The following SLIT3 variants were observed in gnomAD, a reference collection of about 807,000 sequenced individuals.
SLIT3 encodes the protein slit guidance ligand 3, also known as slit homolog 3 protein.
SLIT3 carries 68 observed loss-of-function variants against 184.0 expected under a neutral mutation model. The ratio of observed to expected loss-of-function variants is 0.37; its 90% CI spans 0.30 to 0.45. The LOEUF (loss-of-function observed/expected upper bound fraction) is 0.45. SLIT3 is among the 20% of genes least tolerant of loss of function. The pLI is 1.00. For synonymous variants in SLIT3, 831 were observed against 828.6 expected, an observed-to-expected ratio of 1.00 and a Z score of -0.05; for missense variants, 1,707 against 2,026.0, an observed-to-expected ratio of 0.84 and a Z score of 3.02.
chr5:168,755,421 C>CTTTCTTTCTTTCTTTTCTTTCTTTCT (rs1754890540), intron 16 of SLIT3, among the ~76,000 whole-genome samples: 1 of 29,480 alleles, frequency 3.4e-5, no homozygotes, highest in Non-Finnish European at 5.9e-5. Flanking sequence ...TTCTTTCTTT[C>CTTTCTTTCTTTCTTTTCTTTCTTTCT]TTTCTTTCTT....
In SLIT3 at chr5:168,818,015, G is replaced by C. The variant is rs556275610; in HGVS notation, c.630-552C>G. Among the ~76,000 whole-genome samples the C allele has an allele frequency of 6.8e-4, 94 of 138,900 alleles. 1 individual carries two copies. The highest frequency in any genetic ancestry group is 3.1e-3 in the African/African-American group (94 of 29,894). The allele number at this position is 138,900 out of a possible 152,430, so 91.1% of individuals were successfully genotyped here. ...GTGGGCTTAAAACCAATACCACTTT[G>C]TGTGCACTAGCTGGAGTGAGCAGGC... On this transcript the variant is annotated intron_variant, in intron 7 of 35. Transcript: ENST00000519560.
At chr5:169,269,050 A>G (rs1766504625) in intron 1 of SLIT3, among the ~76,000 whole-genome samples, 1 of 152,216 alleles carries the variant, frequency 6.6e-6, no homozygotes, top group African/African-American at 2.4e-5. Context: ...CCACGGAGTA[A>G]TGATTCTGGA....
intron 5 of SLIT3, among the ~76,000 whole-genome samples, chr5:168,867,236 A>G (rs911133818): frequency 6.6e-6 from 1 of 152,204 alleles, no homozygotes; most frequent in Non-Finnish European, 1.5e-5. Flanking sequence ...TTACTTTACC[A>G]TTATGACTTT....
chr5:168,684,496 A>C (rs6864844), intron 31 of SLIT3, among the ~76,000 whole-genome samples: 12,293 of 152,048 alleles, frequency 0.081, 1,011 homozygotes, highest in Admixed American at 0.21. Flanking sequence ...ATTTATTTTT[A>C]GGCAGAATCT....
chr5:168,697,723 T>C (rs1762103070), intron 27 of SLIT3, among the ~76,000 whole-genome samples: 1 of 152,206 alleles, frequency 6.6e-6, no homozygotes, highest in Admixed American at 6.5e-5. Context: ...CAGGGGCCTC[T>C]CAGGTCTCAG....
chr5:169,067,244 T>C (rs34645725), intron 4 of SLIT3, among the ~76,000 whole-genome samples: 6,145 of 152,114 alleles, frequency 0.04, 169 homozygotes, highest in Middle Eastern at 0.082. Flanking sequence ...ACCCTGTCTC[T>C]ACTAAAAATA....
chr5:169,135,582 T>C (rs1263139002), intron 4 of SLIT3, among the ~76,000 whole-genome samples: 2 of 152,218 alleles, frequency 1.3e-5, no homozygotes, highest in Non-Finnish European at 2.9e-5. Context: ...TCAGTGGTAG[T>C]GAGGACAAGT....
At chr5:169,069,340 G>A (rs1340013378) in intron 4 of SLIT3, among the ~76,000 whole-genome samples, 7 of 152,204 alleles carry the variant, frequency 4.6e-5, no homozygotes, top group South Asian at 2.1e-4. Context: ...GGTGAAATAT[G>A]AGGAAGAGGA....
chr5:169,016,777 G>T (rs542665859), intron 4 of SLIT3, among the ~76,000 whole-genome samples: 3 of 152,272 alleles, frequency 2.0e-5, no homozygotes, highest in Non-Finnish European at 4.4e-5. Context: ...GACCTCAAAG[G>T]CTTGGTGTGA....
intron 4 of SLIT3, among the ~76,000 whole-genome samples, chr5:169,081,606 G>A (rs183330498): frequency 2.2e-4 from 33 of 152,246 alleles, no homozygotes; most frequent in African/African-American, 7.9e-4. Context: ...AGGCTGCAGG[G>A]CTTGCTCTGA....
intron 4 of SLIT3, among the ~76,000 whole-genome samples, chr5:169,186,977 C>A (rs1022791388): frequency 2.6e-5 from 4 of 151,512 alleles, no homozygotes; most frequent in African/African-American, 4.9e-5. Flanking sequence ...AACTCCACTG[C>A]CCAAGTGAAT....
chr5:169,263,881 T>A (rs1050601779), intron 1 of SLIT3, among the ~76,000 whole-genome samples: 3 of 151,342 alleles, frequency 2.0e-5, no homozygotes, highest in Middle Eastern at 3.2e-3. Flanking sequence ...AAGAGGATAC[T>A]CCCCAACTTC....
intron 4 of SLIT3, among the ~76,000 whole-genome samples, chr5:168,944,039 A>T (rs1762404651): frequency 1.3e-5 from 2 of 152,194 alleles, no homozygotes. Flanking sequence ...CTGAAGGTTC[A>T]CTTTGTTATG....
chr5:169,244,662 A>G, intron 3 of SLIT3, 43 bp downstream of exon 3: 1 of 1,550,484 alleles, frequency 6.4e-7, no homozygotes, highest in Non-Finnish European at 8.9e-7. Flanking sequence ...AAAACACTAA[A>G]TGTAAATAAA....
At chr5:169,274,277 C>T (rs1766728777) in intron 1 of SLIT3, among the ~76,000 whole-genome samples, 1 of 152,194 alleles carries the variant, frequency 6.6e-6, no homozygotes, top group African/African-American at 2.4e-5. Context: ...AAGACATCTC[C>T]TTGGGCTAGG....
chr5:168,668,727 G>A (rs1761136174), intron 35 of SLIT3, among the ~76,000 whole-genome samples: 1 of 152,172 alleles, frequency 6.6e-6, no homozygotes, highest in Admixed American at 6.5e-5. Context: ...AGGATTCCAG[G>A]TGTGAGCCAC....
chr5:168,934,463 T>C (rs1457284829), intron 4 of SLIT3, among the ~76,000 whole-genome samples: 3 of 152,226 alleles, frequency 2.0e-5, no homozygotes, highest in Non-Finnish European at 4.4e-5. Flanking sequence ...AATTATTGAC[T>C]GTATTGTGGG....
intron 5 of SLIT3, among the ~76,000 whole-genome samples, chr5:168,846,302 G>A (rs189714509): frequency 6.6e-6 from 1 of 152,244 alleles, no homozygotes; most frequent in Admixed American, 6.5e-5. Context: ...TCTGTATCTA[G>A]TGTTCAAAGT....
chr5:169,141,707 C>G (rs1238714687), intron 4 of SLIT3, among the ~76,000 whole-genome samples: 1 of 150,386 alleles, frequency 6.6e-6, no homozygotes, highest in Non-Finnish European at 1.5e-5. Flanking sequence ...CCATTGCACT[C>G]CAGCCTGGGT....
Sources: gnomAD v4.1 joint callset for allele counts (sites outside exome capture counted in the v4.1 genomes callset) on GRCh38, gnomAD v4.1.1 for gene constraint, MANE v1.5 for transcripts, NCBI Gene and HGNC (gene_info 2026-07-23, HGNC 2026-07-21) for gene names.